The following CACNA1B variants were observed in gnomAD, a reference collection of about 807,000 sequenced individuals.
CACNA1B encodes calcium voltage-gated channel subunit alpha1 B.
CACNA1B carries 70 observed loss-of-function variants against 247.2 expected under a neutral mutation model. The ratio of observed to expected loss-of-function variants is 0.28; its 90% confidence interval spans 0.23 to 0.35. CACNA1B has a LOEUF of 0.35. Ranked by LOEUF, CACNA1B falls within the 10% of genes least tolerant of loss-of-function variation. The pLI is 1.00. For missense variants in CACNA1B, 2,367 were observed against 3,197.4 expected, an observed-to-expected ratio of 0.74 and a Z score of 6.26; for synonymous variants, 1,231 against 1,294.4, an observed-to-expected ratio of 0.95 and a Z score of 1.05.
intron 36 of CACNA1B, among the ~76,000 whole-genome samples, chr9:138,080,969 G>A (rs1960505885): frequency 1.3e-5 from 2 of 152,218 alleles, no homozygotes; most frequent in African/African-American, 4.8e-5. Flanking sequence ...CCAAGGGAAG[G>A]ATTTCCATGT....
At chr9:138,071,805 C>T (rs1003977788) in intron 32 of CACNA1B, among the ~76,000 whole-genome samples, 6 of 152,166 alleles carry the variant, frequency 3.9e-5, no homozygotes, top group African/African-American at 1.4e-4. Context: ...GTGCCACTGC[C>T]TGACTGTGCT....
intron 6 of CACNA1B, among the ~76,000 whole-genome samples, chr9:137,921,318 C>T (rs1333840671): frequency 2.0e-5 from 3 of 151,756 alleles, no homozygotes; most frequent in African/African-American, 7.3e-5. Context: ...CACGGCCGCG[C>T]AGCATCCTGG....
rs560930974 is a variant in CACNA1B, at chr9:137,995,032, C to T, written c.1974+8178C>T. Among the ~76,000 whole-genome samples the T allele has an allele frequency of 2.0e-5, 3 of 152,014 alleles. No individual in the cohort carries two copies. In the South Asian group the frequency reaches 6.2e-4, roughly 32 times the overall value. The stretch of plus-strand genomic sequence containing the variant: ...CCAGCCTGACCAACATGATGAAACC[C>T]CAACCCTACTTAAAAAAGTACACAA... On this transcript the variant is annotated intron_variant, in intron 15 of 46. Transcript: ENST00000371372.
rs1959559370 is a variant in CACNA1B, at chr9:138,057,616, C to A, written c.3969-116C>A. The A allele has an allele frequency of 1.0e-6, 1 of 965,106 alleles. No homozygotes were observed. Among genetic ancestry groups the A allele is most frequent in the Non-Finnish European group, 1.5e-6 (1 of 653,688 alleles). The allele number at this position is 965,106 out of a possible 1,614,324, so 59.8% of individuals were successfully genotyped here. On this transcript the variant is annotated intron_variant, in intron 26 of 46. Coordinates refer to ENST00000371372, the MANE Select transcript of CACNA1B (RefSeq NM_000718.4). The surrounding 1 kb of genome is among the most constrained non-coding windows in gnomAD (Gnocchi z 4.0). ...GCATGTGGACATCCAGTTTTCCCAG[C>A]ACAGTCTGTTGGAGAGGCCATTCTT...
intron 6 of CACNA1B, among the ~76,000 whole-genome samples, chr9:137,936,290 T>C (rs1266618672): frequency 6.6e-6 from 1 of 152,250 alleles, no homozygotes; most frequent in Non-Finnish European, 1.5e-5. Context: ...ATAAAGGTCT[T>C]CTTTTGAAAA....
intron 39 of CACNA1B, among the ~76,000 whole-genome samples, chr9:138,111,187 C>T (rs1961616385): frequency 6.6e-6 from 1 of 152,210 alleles, no homozygotes; most frequent in African/African-American, 2.4e-5. Flanking sequence ...AACATACATC[C>T]ACACAATCTA....
intron 6 of CACNA1B, among the ~76,000 whole-genome samples, chr9:137,940,492 A>G (rs1241301572): frequency 1.3e-5 from 2 of 152,220 alleles, no homozygotes; most frequent in East Asian, 3.8e-4. Context: ...TCAGACATTC[A>G]AAGAGAATTG....
At position 138,023,792 on chromosome 9, in the gene CACNA1B, C is replaced by A; in HGVS notation, c.3049C>A (p.Leu1017Ile). 6.9e-7 allele frequency: 1 copy of A among 1,452,258 alleles called. No homozygotes were observed. The highest frequency in any genetic ancestry group is 9.4e-7 in the Non-Finnish European group (1 of 1,058,400). The allele number at this position is 1,452,258 out of a possible 1,614,324, so 90.0% of individuals were successfully genotyped here. ...AGTGGAAGCCGACAAGGAAAAGGAGCTCCGGAACCACCAGCCCCGGTGAGT... is the reference window on the plus strand; with the variant it reads ...AGTGGAAGCCGACAAGGAAAAGGAGATCCGGAACCACCAGCCCCGGTGAGT... ...EIVEADKEKE[L>I]RNHQPREPHC... Residue 1017 changes from leucine (L) to isoleucine (I), a missense_variant, in exon 19 of 47, where the codon CTC becomes ATC. By Grantham distance (5) the Leu-to-Ile change is conservative. This residue lies in a region of CACNA1B where 631 missense variants were observed against 631.1 expected (regional missense o/e 1.00). Coordinates refer to ENST00000371372, the MANE Select transcript of CACNA1B (RefSeq NM_000718.4).
At chr9:138,084,152 G>C (rs922303270) in intron 36 of CACNA1B, among the ~76,000 whole-genome samples, 24 of 150,992 alleles carry the variant, frequency 1.6e-4, no homozygotes, top group Non-Finnish European at 2.6e-4. Context: ...TGGCACTGTG[G>C]GCAACGTACA....
chr9:138,071,252 C>G (rs1023477826), intron 32 of CACNA1B, among the ~76,000 whole-genome samples: 1 of 152,200 alleles, frequency 6.6e-6, no homozygotes, highest in Non-Finnish European at 1.5e-5. Flanking sequence ...GGGCACAATG[C>G]TGTGCCTTTG....
chr9:138,101,123 G>A (rs752222486), intron 37 of CACNA1B: 7 of 533,132 alleles, frequency 1.3e-5, no homozygotes, highest in Non-Finnish European at 2.3e-5. Flanking sequence ...TCATTATAAG[G>A]ATATGTACAG....
intron 26 of CACNA1B, among the ~76,000 whole-genome samples, chr9:138,055,805 T>C (rs2133498848): frequency 6.6e-6 from 1 of 152,182 alleles, no homozygotes; most frequent in South Asian, 2.1e-4. Flanking sequence ...GGTGGGTGGA[T>C]CATGAGGTCA....
chr9:137,970,864 T>C (rs1958137804), intron 10 of CACNA1B, among the ~76,000 whole-genome samples: 1 of 152,196 alleles, frequency 6.6e-6, no homozygotes, highest in Non-Finnish European at 1.5e-5. Context: ...TGAACAGCCA[T>C]GGACCATGCG....
In CACNA1B at chr9:138,122,749, A is replaced by ACTCCCTGT. The variant is rs1962144226; in HGVS notation, c.*751_*758dup. 6.6e-6 allele frequency: 1 copy of ACTCCCTGT among 151,894 alleles called. No individual in the cohort carries two copies. Among genetic ancestry groups the ACTCCCTGT allele is most frequent in the Admixed American group, 6.6e-5 (1 of 15,242 alleles). 9.4% of individuals were successfully genotyped at this position (151,894 alleles called of 1,614,324 possible). A position where few individuals can be genotyped will look rare whatever the true frequency, so the allele number is the denominator to read the frequency against. ...GTGTCTTTGTGGCTTATGCGAGGAG[A>ACTCCCTGT]CTCCCTGTGCAGCCCTGTCCGGTCC... On this transcript the variant is annotated 3_prime_UTR_variant, in exon 47 of 47. Coordinates refer to ENST00000371372, the MANE Select transcript of CACNA1B (RefSeq NM_000718.4).
At chr9:138,107,569 C>T (rs1221718105) in intron 39 of CACNA1B, among the ~76,000 whole-genome samples, 1 of 152,116 alleles carries the variant, frequency 6.6e-6, no homozygotes, top group Non-Finnish European at 1.5e-5. Context: ...ACTCCTCTCC[C>T]TTACCCCATT....
chr9:138,071,581 C>T (rs1564271932), intron 32 of CACNA1B, among the ~76,000 whole-genome samples: 1 of 152,296 alleles, frequency 6.6e-6, no homozygotes, highest in Non-Finnish European at 1.5e-5. Flanking sequence ...CTCCTGAGTA[C>T]CCACAGGAGC....
chr9:138,048,159 A>G (rs1381544721), intron 23 of CACNA1B, among the ~76,000 whole-genome samples: 2 of 152,152 alleles, frequency 1.3e-5, no homozygotes, highest in South Asian at 2.1e-4. Context: ...CACTCTTGCA[A>G]AATTCTGTGG....
chr9:138,015,706 ACGGTGCCAGAACAT>A (rs1958783022), intron 18 of CACNA1B, among the ~76,000 whole-genome samples: 1 of 152,204 alleles, frequency 6.6e-6, no homozygotes, highest in African/African-American at 2.4e-5. Context: ...CTTGACACAG[ACGGTGCCAGAACAT>A]GCCTCAGAAG....
intron 11 of CACNA1B, among the ~76,000 whole-genome samples, chr9:137,972,231 G>C (rs1239291694): frequency 6.6e-6 from 1 of 152,214 alleles, no homozygotes; most frequent in African/African-American, 2.4e-5. Flanking sequence ...GTCCCATGTG[G>C]AATACAGCAT....
Sources: gnomAD v4.1 joint callset for allele counts (sites outside exome capture counted in the v4.1 genomes callset) on GRCh38, gnomAD v4.1.1 for gene constraint, gnomAD v4.1.1 regional missense constraint, Gnocchi (gnomAD v3.1) non-coding constraint, MANE v1.5 for transcripts, NCBI Gene and HGNC (gene_info 2026-07-23, HGNC 2026-07-21) for gene names.